The following NBPF9 variants were observed in gnomAD, a reference collection of about 807,000 sequenced individuals.
NBPF9 encodes NBPF family member NBPF9.
A neutral mutation model predicts 97.8 loss-of-function variants in NBPF9; 91 were observed. The observed-to-expected ratio is 0.93, with a 90% confidence interval of 0.79 to 1.11. NBPF9 has a LOEUF of 1.11. Ranked by LOEUF, NBPF9 falls within the 50% of genes least tolerant of loss-of-function variation. NBPF9 has a pLI of 0.00. For synonymous variants in NBPF9, 334 were observed against 359.5 expected, an observed-to-expected ratio of 0.93 and a Z score of 0.80; for missense variants, 992 against 939.5, an observed-to-expected ratio of 1.06 and a Z score of -0.73.
chr1:149,082,193 A>C lies in NBPF9; in HGVS notation c.-35-19T>G. 1 of 1,604,668 alleles carries C rather than the reference A, an allele frequency of 6.2e-7. No individual in the cohort carries two copies. The highest frequency in any genetic ancestry group is 8.5e-7 in the Non-Finnish European group (1 of 1,173,404). On this transcript the variant is annotated intron_variant, in intron 6 of 29. Coordinates refer to ENST00000584027, the Ensembl canonical transcript of NBPF9. ...CCAGGGACTGGGGAGAAGAAACCCA[A>C]ACATATGATGGGTTAAAAACTGGTG... is the stretch of plus-strand genomic sequence containing the variant.
intron 20 of NBPF9, 142 bp downstream of exon 20, chr1:149,063,491 G>C (rs1228661862): frequency 5.3e-5 from 34 of 644,412 alleles, no homozygotes; most frequent in Admixed American, 1.2e-4. Context: ...TGGAACTAGA[G>C]TTTCATTCAA....
chr1:149,071,010 C>T, exon 16 of NBPF9: 13 of 1,612,106 alleles, frequency 8.1e-6, no homozygotes, highest in Non-Finnish European at 1.1e-5. Flanking sequence ...CTTTGTCTTC[C>T]TCAAATGTGA....
chr1:149,088,180 G>T (rs1436021824), intron 5 of NBPF9, among the ~76,000 whole-genome samples: 6,885 of 148,990 alleles, frequency 0.046, 47 homozygotes, highest in East Asian at 0.37. Flanking sequence ...TACTTTAAAT[G>T]AAATTGTATT....
intron 29 of NBPF9, among the ~76,000 whole-genome samples, chr1:149,056,259 T>C (rs2078234351): frequency 7.1e-6 from 1 of 140,572 alleles, no homozygotes. Flanking sequence ...CCATAAAATA[T>C]GCTCAAAATT....
At chr1:149,063,006 C>T in intron 20 of NBPF9, 93 bp from the exon 21 acceptor site, 3 of 599,980 alleles carry the variant, frequency 5.0e-6, no homozygotes, top group Admixed American at 3.0e-5. Flanking sequence ...GGACTTCAGG[C>T]TCCTCAGCAT....
intron 5 of NBPF9, chr1:149,090,275 A>G (rs1190930429): frequency 1.9e-5 from 3 of 154,916 alleles, no homozygotes; most frequent in African/African-American, 4.9e-5. Flanking sequence ...TTTTGGAAGC[A>G]TGTATCCTAA....
chr1:149,082,619 G>C (rs1377222101), intron 5 of NBPF9, among the ~76,000 whole-genome samples, 189 bp from the exon 6 acceptor site: 17 of 140,306 alleles, frequency 1.2e-4, no homozygotes, highest in Non-Finnish European at 2.1e-4. Context: ...CCACAGACCC[G>C]TGTCTTTCCC....
chr1:149,076,185 T>C (rs2079851722), intron 11 of NBPF9, among the ~76,000 whole-genome samples: 1 of 151,800 alleles, frequency 6.6e-6, no homozygotes, highest in Admixed American at 6.6e-5. Flanking sequence ...TTTTGCTTTT[T>C]TAATTTTTTT....
chr1:149,070,934 C>A lies in NBPF9; in HGVS notation c.1585G>T (p.Glu529Ter). Residue 529 changes from glutamate to a stop codon, truncating the protein, a stop_gained and splice_region_variant, in exon 16 of 30, where the codon GAA becomes TAA. Transcript: ENST00000584027. LOFTEE classifies it high-confidence loss of function. ...GAGACACAAGGAAAACAGAGGCTAC[C>A]TGGAATAATGTGTACAGCATCTTCC... The A allele has an allele frequency of 6.2e-7, 1 of 1,612,378 alleles. No homozygotes were observed.
At position 149,075,827 on chromosome 1, in the gene NBPF9, C is replaced by A; in HGVS notation, c.816G>T (p.Met272Ile). 3 of 1,520,004 alleles carry A rather than the reference C, an allele frequency of 2.0e-6. No individual in the cohort carries two copies. In the South Asian group the frequency reaches 3.4e-5, roughly 17 times the overall value. The allele number at this position is 1,520,004 out of a possible 1,614,324, so 94.2% of individuals were successfully genotyped here. A position where few individuals can be genotyped will look rare whatever the true frequency, so the allele number is the denominator to read the frequency against. The change falls in exon 12 of 30, where the codon ATG (methionine) becomes ATT (isoleucine). Residue 272 changes from methionine (M) to isoleucine (I), a missense_variant. Met to Ile is a conservative substitution (Grantham distance 10). Transcript: ENST00000584027. The stretch of plus-strand genomic sequence containing the variant: ...TGGACAAAGGGCCGGCTGATACCAC[C>A]ATGCTGACGTTTGTGGCAGAAGAGG...
At chr1:149,092,983 G>A (rs1235105973) in intron 4 of NBPF9, among the ~76,000 whole-genome samples, 3 of 151,938 alleles carry the variant, frequency 2.0e-5, no homozygotes, top group Non-Finnish European at 4.4e-5. Context: ...AAAGAAAAAT[G>A]GGCCCAGGGG....
intron 12 of NBPF9, among the ~76,000 whole-genome samples, chr1:149,075,292 T>A (rs1286108806): frequency 6.6e-6 from 1 of 152,184 alleles, no homozygotes; most frequent in Non-Finnish European, 1.5e-5. Context: ...AGTTCACTAG[T>A]CTCAGACATT....
rs1410112929 is a variant in NBPF9 at position 149,085,845 on chromosome 1, G to A, written c.-194-3415C>T. ...CACGTTTACAAATGGATACACTAACGGAACTACTGTCACAACCAAGATAGA... is the reference window on the plus strand; with the variant it reads ...CACGTTTACAAATGGATACACTAACAGAACTACTGTCACAACCAAGATAGA... On this transcript the variant is annotated intron_variant, in intron 5 of 29. Coordinates refer to ENST00000584027, the Ensembl canonical transcript of NBPF9. Among the ~76,000 whole-genome samples, 92 of 151,830 alleles carry A rather than the reference G, an allele frequency of 6.1e-4. 2 individuals are homozygous for A. The highest frequency in any genetic ancestry group is 1.0e-3 in the Non-Finnish European group (68 of 68,030).
rs1431123905 is a variant in NBPF9, at chr1:149,099,309, A to G, written c.-605-603T>C. On this transcript the variant is annotated intron_variant, in intron 3 of 29. Coordinates refer to ENST00000584027, the Ensembl canonical transcript of NBPF9. ...CAAAAGCCCCAAAATCTTAGCAGCA[A>G]CACATACAAAGGTTTATTTTTCATT... is the stretch of plus-strand genomic sequence containing the variant. 5.9e-4 allele frequency among the ~76,000 whole-genome samples: 90 copies of G among 152,352 alleles called. No individual in the cohort carries two copies. The Middle Eastern group carries it at 0.01, about 17-fold the overall frequency.
At chr1:149,097,481 C>T (rs1160388019) in intron 4 of NBPF9, among the ~76,000 whole-genome samples, 1 of 152,232 alleles carries the variant, frequency 6.6e-6, no homozygotes, top group Non-Finnish European at 1.5e-5. Flanking sequence ...CAGGCCGCAA[C>T]CTTCCCTGCT....
Position 149,055,536 on chromosome 1 carries a change from C to A in NBPF9, c.*120G>T. 3.8e-6 allele frequency: 6 copies of A among 1,563,706 alleles called. No homozygotes were observed. The East Asian group carries it at 9.0e-5, about 23-fold the overall frequency. On this transcript the variant is annotated 3_prime_UTR_variant, in exon 30 of 30. Coordinates refer to ENST00000584027, the Ensembl canonical transcript of NBPF9. ...CATGGTTTGAGAATAGGAATAGAGC[C>A]ATGCCCACTGACCCATCCTATGTCT...
chr1:149,063,499 C>G, intron 20 of NBPF9, 134 bp downstream of exon 20: 2 of 677,078 alleles, frequency 3.0e-6, no homozygotes, highest in South Asian at 3.4e-5. Flanking sequence ...GAGTTTCATT[C>G]AACGTACATG....
intron 5 of NBPF9, among the ~76,000 whole-genome samples, chr1:149,087,563 C>T (rs1169700326): frequency 2.0e-5 from 3 of 148,810 alleles, no homozygotes; most frequent in African/African-American, 7.4e-5. Context: ...TATAATATTG[C>T]TATTTTATTA....
At chr1:149,101,020 T>C (rs1209905860) in intron 3 of NBPF9, among the ~76,000 whole-genome samples, 4 of 150,964 alleles carry the variant, frequency 2.6e-5, no homozygotes, top group African/African-American at 9.7e-5. Flanking sequence ...AGGTTAGGCA[T>C]TGATTTCTTA....
Sources: gnomAD v4.1 joint callset for allele counts (sites outside exome capture counted in the v4.1 genomes callset) on GRCh38, gnomAD v4.1.1 for gene constraint, MANE v1.5 for transcripts, NCBI Gene and HGNC (gene_info 2026-07-23, HGNC 2026-07-21) for gene names.